Variants in ZNF521 observed in about 807,000 individuals in gnomAD.
ZNF521 encodes the protein zinc finger protein 521.
Under a neutral mutation model 105.5 loss-of-function variants are expected in ZNF521, and 14 were observed. The observed-to-expected ratio is 0.13, with a 90% CI of 0.09 to 0.21. The LOEUF (loss-of-function observed/expected upper bound fraction) is 0.21. Among genes scored for constraint, ZNF521 ranks in the 10% least tolerant of loss-of-function variants. The pLI, the probability that ZNF521 is intolerant of heterozygous loss-of-function variation, is 1.00. For missense variants in ZNF521, 1,233 were observed against 1,629.7 expected (o/e 0.76, Z 4.19); for synonymous variants, 635 against 606.0 (o/e 1.05, Z -0.70).
intron 3 of ZNF521, among the ~76,000 whole-genome samples, chr18:25,299,686 A>G (rs552212167): frequency 1.3e-5 from 2 of 152,356 alleles, no homozygotes; most frequent in Admixed American, 1.3e-4. Context: ...GAATTAGGAC[A>G]TTAAAGACAT....
At chr18:25,114,781 T>G (rs143751846) in intron 5 of ZNF521, among the ~76,000 whole-genome samples, 38 of 152,194 alleles carry the variant, frequency 2.5e-4, no homozygotes, top group African/African-American at 9.2e-4. Context: ...TAACACACTA[T>G]AGAAGCTAAG....
At chr18:25,260,862 G>A (rs1407939468) in intron 3 of ZNF521, among the ~76,000 whole-genome samples, 1 of 151,992 alleles carries the variant, frequency 6.6e-6, no homozygotes, top group African/African-American at 2.4e-5. Context: ...AACACAAGAA[G>A]GAAAATATAG....
intron 5 of ZNF521, among the ~76,000 whole-genome samples, chr18:25,098,646 G>A (rs894384430): frequency 6.6e-6 from 1 of 152,142 alleles, no homozygotes; most frequent in African/African-American, 2.4e-5. Flanking sequence ...TAAGTCTGAT[G>A]TATGTCCTCC....
At chr18:25,348,535 C>A (rs1598498061) in intron 2 of ZNF521, among the ~76,000 whole-genome samples, 2 of 152,142 alleles carry the variant, frequency 1.3e-5, no homozygotes, top group South Asian at 4.2e-4. Context: ...AGCTTCTCAT[C>A]CCCAAAAGCC....
Position 25,350,915 on chromosome 18 carries a change from G to T in ZNF521, c.32C>A (p.Ser11Tyr), listed in dbSNP as rs1914722248. The change falls in exon 2 of 8, where the codon TCC becomes TAC. Residue 11 changes from serine to tyrosine, a missense_variant. Physicochemically the swap from Ser to Tyr is moderately radical, Grantham distance 144. This residue lies in a region of ZNF521 where 76 missense variants were observed against 79.3 expected (regional missense o/e 0.96). Coordinates refer to ENST00000361524, the MANE Select transcript of ZNF521 (RefSeq NM_015461.3). ...AGGGGGTTCCTCCTTACCTTTGAGG[G>T]ATCTCGGTTTCGCTTGCTTGCGGCG... is the stretch of plus-strand genomic sequence containing the variant. MSRRKQAKPR[S>Y]LKDPNCKLED... The T allele has an allele frequency of 1.9e-6, 3 of 1,551,022 alleles. No individual in the cohort carries two copies. The highest frequency in any genetic ancestry group is 8.7e-7 in the Non-Finnish European group (1 of 1,146,516).
chr18:25,281,566 A>T (rs1437889839), intron 3 of ZNF521, among the ~76,000 whole-genome samples: 1 of 152,206 alleles, frequency 6.6e-6, no homozygotes, highest in African/African-American at 2.4e-5. Context: ...TATGTTCTAA[A>T]CTCACACTGT....
chr18:25,209,907 CT>C (rs538412376), intron 4 of ZNF521, among the ~76,000 whole-genome samples: 66 of 152,002 alleles, frequency 4.3e-4, no homozygotes, highest in Non-Finnish European at 8.1e-4. Flanking sequence ...TTTTCATTGC[CT>C]TTAAGTTTGA....
At chr18:25,350,816 C>A in intron 2 of ZNF521, 91 bp downstream of exon 2, 1 of 1,429,438 alleles carries the variant, frequency 7.0e-7, no homozygotes, top group Non-Finnish European at 9.5e-7. Context: ...CTCACGCGCG[C>A]ACACGCCTCG....
intron 7 of ZNF521, among the ~76,000 whole-genome samples, chr18:25,086,570 C>T (rs1023799094): frequency 2.6e-5 from 4 of 151,984 alleles, no homozygotes; most frequent in Admixed American, 6.6e-5. Context: ...TATAGTTTTG[C>T]GAAATATTGA....
At chr18:25,263,084 C>T (rs1225600939) in intron 3 of ZNF521, among the ~76,000 whole-genome samples, 1 of 152,186 alleles carries the variant, frequency 6.6e-6, no homozygotes, top group Non-Finnish European at 1.5e-5. Flanking sequence ...TAGTTAGGCA[C>T]TGTTTTAGAT....
At chr18:25,289,734 T>G (rs1910908281) in intron 3 of ZNF521, among the ~76,000 whole-genome samples, 1 of 152,212 alleles carries the variant, frequency 6.6e-6, no homozygotes, top group Non-Finnish European at 1.5e-5. Context: ...CATTGCCTAA[T>G]TAGGCTGTGA....
intron 3 of ZNF521, among the ~76,000 whole-genome samples, chr18:25,289,136 T>C: frequency 6.6e-6 from 1 of 152,150 alleles, no homozygotes; most frequent in East Asian, 1.9e-4. Context: ...TATTGCTAAA[T>C]GACAAAATGA....
intron 5 of ZNF521, among the ~76,000 whole-genome samples, chr18:25,098,806 T>C (rs2033906141): frequency 6.6e-6 from 1 of 152,190 alleles, no homozygotes; most frequent in African/African-American, 2.4e-5. Flanking sequence ...GTACATTTTT[T>C]CTTTCAAAAA....
At chr18:25,258,214 TTC>T (rs1908656107) in intron 3 of ZNF521, among the ~76,000 whole-genome samples, 1 of 152,218 alleles carries the variant, frequency 6.6e-6, no homozygotes, top group African/African-American at 2.4e-5. Context: ...CTTGCTTTGT[TTC>T]ACATTTAGTA....
At chr18:25,073,929 T>C (rs2033286830) in intron 7 of ZNF521, among the ~76,000 whole-genome samples, 1 of 151,820 alleles carries the variant, frequency 6.6e-6, no homozygotes, top group Non-Finnish European at 1.5e-5. Flanking sequence ...TACTATGGCA[T>C]ATGCTTTGGT....
chr18:25,168,903 A>G (rs1016499359), intron 5 of ZNF521, among the ~76,000 whole-genome samples: 1 of 152,144 alleles, frequency 6.6e-6, no homozygotes, highest in African/African-American at 2.4e-5. Context: ...CAGGAGACTC[A>G]GTACACAAAC....
chr18:25,239,497 C>A (rs1461934143), intron 3 of ZNF521, among the ~76,000 whole-genome samples: 2 of 152,178 alleles, frequency 1.3e-5, no homozygotes, highest in Non-Finnish European at 2.9e-5. Flanking sequence ...TCCTGCCAAC[C>A]ATTTCAACAT....
intron 5 of ZNF521, among the ~76,000 whole-genome samples, chr18:25,123,146 A>G (rs1214402331): frequency 1.3e-5 from 2 of 151,726 alleles, no homozygotes; most frequent in Non-Finnish European, 2.9e-5. Flanking sequence ...GACTCATTAT[A>G]TGAGTCATTT....
intron 5 of ZNF521, among the ~76,000 whole-genome samples, chr18:25,097,611 G>GA (rs2144242079): frequency 6.6e-6 from 1 of 152,216 alleles, no homozygotes; most frequent in South Asian, 2.1e-4. Flanking sequence ...ACAGGCATGA[G>GA]ACTCTTACAA....
Sources: gnomAD v4.1 joint callset for allele counts (sites outside exome capture counted in the v4.1 genomes callset) on GRCh38, gnomAD v4.1.1 for gene constraint, gnomAD v4.1.1 regional missense constraint, MANE v1.5 for transcripts, NCBI Gene and HGNC (gene_info 2026-07-23, HGNC 2026-07-21) for gene names.